Variants in SLC4A10 observed in about 807,000 individuals in gnomAD.
The protein encoded by SLC4A10 is sodium-driven chloride bicarbonate exchanger.
In SLC4A10, 42 loss-of-function variants were observed where a neutral mutation model predicts 137.7. The ratio of observed to expected loss-of-function variants is 0.30; its 90% CI spans 0.24 to 0.39. SLC4A10 has a LOEUF of 0.39. SLC4A10 is among the 10% of genes least tolerant of loss of function. The probability of loss-of-function intolerance (pLI) is 1.00; values close to 1 mark genes in which losing one functional copy is unlikely to be tolerated. For missense variants in SLC4A10, 925 were observed against 1,355.0 expected, an observed-to-expected ratio of 0.68 and a Z score of 4.98; for synonymous variants, 474 against 464.1, an observed-to-expected ratio of 1.02 and a Z score of -0.27.
At chr2:161,828,284 A>T (rs1264959738) in intron 3 of SLC4A10, among the ~76,000 whole-genome samples, 1 of 152,080 alleles carries the variant, frequency 6.6e-6, no homozygotes, top group Non-Finnish European at 1.5e-5. Context: ...TTCATGACTC[A>T]CTTGTTCCTT....
chr2:161,829,064 A>AGGAAAGGACTCTTTC (rs2058245304), intron 3 of SLC4A10, among the ~76,000 whole-genome samples: 4 of 151,696 alleles, frequency 2.6e-5, no homozygotes, highest in African/African-American at 9.7e-5. Context: ...CAAAAATATT[A>AGGAAAGGACTCTTTC]TGTCCTTAAT....
chr2:161,654,653 T>A (rs2105623094), intron 1 of SLC4A10, among the ~76,000 whole-genome samples: 1 of 152,332 alleles, frequency 6.6e-6, no homozygotes, highest in Admixed American at 6.5e-5. Flanking sequence ...CTGTGTGTAT[T>A]CTTGGCACCC....
chr2:161,666,900 T>G (rs111296820), intron 1 of SLC4A10, among the ~76,000 whole-genome samples: 3 of 151,752 alleles, frequency 2.0e-5, no homozygotes, highest in Non-Finnish European at 4.4e-5. Flanking sequence ...AGTTATATTC[T>G]ATTAATAGGC....
intron 19 of SLC4A10, among the ~76,000 whole-genome samples, chr2:161,953,129 T>C (rs1299272060): frequency 2.6e-5 from 4 of 152,224 alleles, no homozygotes; most frequent in African/African-American, 7.2e-5. Flanking sequence ...TTGTAGTTTA[T>C]GTATCAAACA....
chr2:161,917,823 C>G (rs557881014), intron 15 of SLC4A10, among the ~76,000 whole-genome samples: 1 of 152,288 alleles, frequency 6.6e-6, no homozygotes, highest in Admixed American at 6.5e-5. Context: ...ACTGCTTTCA[C>G]AGTGCCCAGA....
intron 1 of SLC4A10, among the ~76,000 whole-genome samples, chr2:161,704,864 A>G (rs1302093609): frequency 2.0e-5 from 3 of 151,648 alleles, no homozygotes; most frequent in African/African-American, 7.2e-5. Context: ...ATCTTTGAGC[A>G]TAAATCTTAA....
intron 10 of SLC4A10, among the ~76,000 whole-genome samples, chr2:161,892,177 A>G (rs937907059): frequency 2.0e-5 from 3 of 152,160 alleles, no homozygotes; most frequent in East Asian, 1.9e-4. Context: ...GAATTTGGAC[A>G]TTCATCTACC....
intron 1 of SLC4A10, among the ~76,000 whole-genome samples, chr2:161,740,940 G>A (rs1018081449): frequency 7.2e-5 from 11 of 152,162 alleles, no homozygotes; most frequent in African/African-American, 2.6e-4. Context: ...ACATATTCAC[G>A]AATATCCCTC....
At chr2:161,709,505 G>A (rs544180674) in intron 1 of SLC4A10, among the ~76,000 whole-genome samples, 1 of 151,694 alleles carries the variant, frequency 6.6e-6, no homozygotes, top group Non-Finnish European at 1.5e-5. Flanking sequence ...CTAACGTATT[G>A]TTCATAGAAG....
chr2:161,874,635 A>C (rs1284183935), intron 8 of SLC4A10, among the ~76,000 whole-genome samples: 1 of 152,162 alleles, frequency 6.6e-6, no homozygotes, highest in African/African-American at 2.4e-5. Context: ...AGGCAAGTTA[A>C]ATTTCTAGAG....
intron 6 of SLC4A10, 142 bp from the exon 7 acceptor site, chr2:161,872,147 GATTT>G: frequency 2.2e-6 from 1 of 460,092 alleles, no homozygotes; most frequent in Non-Finnish European, 3.9e-6. Flanking sequence ...TATTAATATA[GATTT>G]ATTTATATTG....
intron 4 of SLC4A10, among the ~76,000 whole-genome samples, chr2:161,847,265 A>C (rs558651234): frequency 5.5e-4 from 83 of 151,514 alleles, no homozygotes; most frequent in African/African-American, 2.0e-3. Flanking sequence ...TTTAATGCAT[A>C]GAACTGCACA....
intron 2 of SLC4A10, among the ~76,000 whole-genome samples, chr2:161,777,991 A>G (rs1253583666): frequency 6.6e-6 from 1 of 151,994 alleles, no homozygotes; most frequent in Non-Finnish European, 1.5e-5. Context: ...TTTATACAGG[A>G]TGAATTTCTT....
chr2:161,956,518 C>T (rs887175253), intron 19 of SLC4A10, among the ~76,000 whole-genome samples: 2 of 133,486 alleles, frequency 1.5e-5, no homozygotes, highest in African/African-American at 5.5e-5. Context: ...TCAGAGAGCA[C>T]CCTGTCTGTG....
At chr2:161,938,168 G>T (rs1691929150) in intron 15 of SLC4A10, among the ~76,000 whole-genome samples, 2 of 152,164 alleles carry the variant, frequency 1.3e-5, no homozygotes, top group African/African-American at 2.4e-5. Flanking sequence ...CTATTCGGGA[G>T]GCTGAGGCAC....
chr2:161,769,662 C>T, intron 1 of SLC4A10, among the ~76,000 whole-genome samples: 1 of 151,880 alleles, frequency 6.6e-6, no homozygotes, highest in East Asian at 1.9e-4. Flanking sequence ...TTAAAAATGT[C>T]TATATGTTGT....
intron 1 of SLC4A10, among the ~76,000 whole-genome samples, chr2:161,700,550 AAAAT>A (rs2043019077): frequency 6.6e-6 from 1 of 152,178 alleles, no homozygotes; most frequent in African/African-American, 2.4e-5. Context: ...TAACAATAAT[AAAAT>A]AATATCATTT....
At chr2:161,899,340 C>T (rs1358946966) in intron 11 of SLC4A10, among the ~76,000 whole-genome samples, 1 of 152,056 alleles carries the variant, frequency 6.6e-6, no homozygotes, top group East Asian at 1.9e-4. Flanking sequence ...CCTTTTATAA[C>T]AAAATGCCAC....
At chr2:161,713,948 C>T (rs566752136) in intron 1 of SLC4A10, among the ~76,000 whole-genome samples, 47 of 151,750 alleles carry the variant, frequency 3.1e-4, no homozygotes, top group African/African-American at 7.5e-4. Context: ...TGCAGGAAGA[C>T]GTCATTTGTA....
Sources: gnomAD v4.1 joint callset for allele counts (sites outside exome capture counted in the v4.1 genomes callset) on GRCh38, gnomAD v4.1.1 for gene constraint, MANE v1.5 for transcripts, NCBI Gene and HGNC (gene_info 2026-07-23, HGNC 2026-07-21) for gene names.